RPTOR: variants seen among roughly 807,000 people sequenced by gnomAD.
RPTOR encodes regulatory associated protein of MTOR complex 1, also known as regulatory-associated protein of mTOR.
A neutral mutation model predicts 169.9 loss-of-function variants in RPTOR; 21 were observed. The ratio of observed to expected loss-of-function variants is 0.12; its 90% CI spans 0.09 to 0.18. RPTOR has a LOEUF of 0.18. RPTOR is among the 10% of genes least tolerant of loss of function. The probability of loss-of-function intolerance (pLI) is 1.00; values close to 1 mark genes in which losing one functional copy is unlikely to be tolerated. For missense variants in RPTOR, 1,133 were observed against 1,855.9 expected (o/e 0.61, Z 7.16); for synonymous variants, 732 against 753.2 (o/e 0.97, Z 0.46).
intron 20 of RPTOR, among the ~76,000 whole-genome samples, chr17:80,894,889 C>G (rs1035308234): frequency 6.6e-6 from 1 of 152,250 alleles, no homozygotes; most frequent in African/African-American, 2.4e-5. Flanking sequence ...AGCCCTGGCA[C>G]ACACGTGGTG....
At chr17:80,879,841 C>G (rs545138926) in intron 13 of RPTOR, among the ~76,000 whole-genome samples, 1 of 152,246 alleles carries the variant, frequency 6.6e-6, no homozygotes, top group African/African-American at 2.4e-5. Context: ...CTGGCAGCAG[C>G]TTTAGCACCA....
At chr17:80,556,953 G>A (rs9896180) in intron 1 of RPTOR, among the ~76,000 whole-genome samples, 4,004 of 152,148 alleles carry the variant, frequency 0.026, 171 homozygotes, top group African/African-American at 0.091. Context: ...AAAATGAGCC[G>A]GGCATGGTGG....
chr17:80,760,009 C>T (rs1288517156), intron 6 of RPTOR, among the ~76,000 whole-genome samples: 1 of 152,164 alleles, frequency 6.6e-6, no homozygotes, highest in Non-Finnish European at 1.5e-5. Flanking sequence ...TGCCCTAGAT[C>T]ATTAGAGACT....
chr17:80,545,395 A>G lies in RPTOR; in HGVS notation c.-235A>G. ...GACCTGGGGTGGTGTGTGTCTGCGGAGCTTCTTGGGCTGCCCCATTTCCTA... is the reference window on the plus strand; with the variant it reads ...GACCTGGGGTGGTGTGTGTCTGCGGGGCTTCTTGGGCTGCCCCATTTCCTA... On this transcript the variant is annotated 5_prime_UTR_variant, in exon 1 of 34. Coordinates refer to ENST00000306801, the MANE Select transcript of RPTOR (RefSeq NM_020761.3). The G allele has an allele frequency of 2.4e-6, 1 of 412,712 alleles. No homozygotes were observed. The highest frequency in any genetic ancestry group is 4.3e-6 in the Non-Finnish European group (1 of 230,382). 25.6% of individuals were successfully genotyped at this position (412,712 alleles called of 1,614,324 possible). A position where few individuals can be genotyped will look rare whatever the true frequency, so the allele number is the denominator to read the frequency against.
chr17:80,753,312 A>G (rs536397803), intron 5 of RPTOR, among the ~76,000 whole-genome samples: 59 of 152,232 alleles, frequency 3.9e-4, no homozygotes, highest in Non-Finnish European at 7.5e-4. Context: ...GTCATTAAAC[A>G]CAACAAAATA....
Position 80,708,667 on chromosome 17 carries a change from C to T in RPTOR, c.507+668C>T, listed in dbSNP as rs1414705626. Among the ~76,000 whole-genome samples, 1 of 149,506 alleles carries T rather than the reference C, an allele frequency of 6.7e-6. No individual in the cohort carries two copies. Among genetic ancestry groups the T allele is most frequent in the Admixed American group, 6.6e-5 (1 of 15,124 alleles). On this transcript the variant is annotated intron_variant, in intron 4 of 33. Transcript: ENST00000306801. The surrounding 1 kb of genome is among the most constrained non-coding windows in gnomAD (Gnocchi z 4.2). ...TGTGGTGGGTGCTGACTGTTGTCCC[C>T]ACCCTCCAGGGTGTGGTGGGTGCTG...
At chr17:80,879,681 GC>G (rs2068163938) in intron 13 of RPTOR, among the ~76,000 whole-genome samples, 1 of 152,204 alleles carries the variant, frequency 6.6e-6, no homozygotes, top group Admixed American at 6.5e-5. Flanking sequence ...CACCCAGTAG[GC>G]CCTCACGACT....
chr17:80,895,463 C>T (rs897391882), intron 20 of RPTOR, among the ~76,000 whole-genome samples: 3 of 152,262 alleles, frequency 2.0e-5, no homozygotes, highest in African/African-American at 7.2e-5. Context: ...TCTCTCTCCC[C>T]TGGAGCTTGA....
intron 4 of RPTOR, among the ~76,000 whole-genome samples, chr17:80,716,689 T>C (rs1030400167): frequency 6.6e-6 from 1 of 152,226 alleles, no homozygotes. Flanking sequence ...TTCTAGAATT[T>C]TTATAGTTTC....
At chr17:80,742,469 A>G (rs1331560691) in intron 5 of RPTOR, among the ~76,000 whole-genome samples, 1 of 152,018 alleles carries the variant, frequency 6.6e-6, no homozygotes, top group Non-Finnish European at 1.5e-5. Flanking sequence ...ACACACGTAT[A>G]TAAGCACATG....
chr17:80,845,188 C>T lies in RPTOR; in HGVS notation c.1213-1285C>T, dbSNP rs1469128516. Among the ~76,000 whole-genome samples the T allele has an allele frequency of 2.0e-5, 3 of 152,042 alleles. No individual in the cohort carries two copies. Among genetic ancestry groups the T allele is most frequent in the Admixed American group, 6.5e-5 (1 of 15,274 alleles). ...CCTGCTGCCCACCTGCTCCATGGCA[C>T]CCAGGCGAATCCCCCTCCACTCTGT... On this transcript the variant is annotated intron_variant, in intron 10 of 33. Transcript: ENST00000306801. This position sits in a 1 kb window ranked among gnomAD's most constrained non-coding sequence, Gnocchi z 5.4.
chr17:80,760,712 G>A (rs1169435654), intron 6 of RPTOR, among the ~76,000 whole-genome samples: 5 of 152,186 alleles, frequency 3.3e-5, no homozygotes, highest in Admixed American at 6.5e-5. Flanking sequence ...TGCAGATGAC[G>A]GCTGTGCGTG....
Position 80,947,993 on chromosome 17 carries a change from G to A in RPTOR, c.3265+642G>A, listed in dbSNP as rs7502563. 0.34 allele frequency among the ~76,000 whole-genome samples: 51,945 copies of A among 152,150 alleles called. 10,039 individuals carry two copies. Among genetic ancestry groups the A allele is most frequent in the East Asian group, 0.55 (2,857 of 5,176 alleles). On this transcript the variant is annotated intron_variant, in intron 27 of 33. Transcript: ENST00000306801. This position sits in a 1 kb window ranked among gnomAD's most constrained non-coding sequence, Gnocchi z 4.4. ...TTTGTTTCCATGTCAGTTACCCCACGTTGACAGTCATTTTCCTTTAGCGCT... is the reference window on the plus strand; with the variant it reads ...TTTGTTTCCATGTCAGTTACCCCACATTGACAGTCATTTTCCTTTAGCGCT...
chr17:80,963,219 G>GC (rs2069369871), intron 33 of RPTOR, among the ~76,000 whole-genome samples, 162 bp downstream of exon 33: 1 of 152,070 alleles, frequency 6.6e-6, no homozygotes, highest in East Asian at 1.9e-4. Flanking sequence ...GATCTCTAGG[G>GC]CCCCTGCCCC....
intron 3 of RPTOR, among the ~76,000 whole-genome samples, chr17:80,684,404 GTTTA>G (rs55921146): frequency 0.31 from 42,247 of 136,206 alleles, 7,387 homozygotes; most frequent in African/African-American, 0.48. Context: ...GGAGATACAT[GTTTA>G]TTTATTTATT....
chr17:80,751,669 G>A (rs2066631783), intron 5 of RPTOR, among the ~76,000 whole-genome samples: 1 of 152,098 alleles, frequency 6.6e-6, no homozygotes, highest in South Asian at 2.1e-4. Flanking sequence ...ATTTACAATA[G>A]CGCCTCCTCT....
chr17:80,741,827 C>T (rs1276942368), intron 5 of RPTOR, among the ~76,000 whole-genome samples: 1 of 152,132 alleles, frequency 6.6e-6, no homozygotes, highest in Non-Finnish European at 1.5e-5. Flanking sequence ...CAGTCGAGGC[C>T]TGCGTTCGGT....
chr17:80,569,318 T>C (rs1164070441), intron 1 of RPTOR, among the ~76,000 whole-genome samples: 1 of 152,186 alleles, frequency 6.6e-6, no homozygotes, highest in East Asian at 1.9e-4. Flanking sequence ...GAAGTTAGTT[T>C]ACTTGTAGAT....
At chr17:80,851,063 G>A (rs2067788583) in intron 11 of RPTOR, among the ~76,000 whole-genome samples, 3 of 152,192 alleles carry the variant, frequency 2.0e-5, no homozygotes, top group Non-Finnish European at 4.4e-5. Context: ...TGAGTAGCTG[G>A]AACTGCATGC....
Sources: gnomAD v4.1 joint callset for allele counts (sites outside exome capture counted in the v4.1 genomes callset) on GRCh38, gnomAD v4.1.1 for gene constraint, Gnocchi (gnomAD v3.1) non-coding constraint, MANE v1.5 for transcripts, NCBI Gene and HGNC (gene_info 2026-07-23, HGNC 2026-07-21) for gene names.